Variants in NLRP8 observed in about 807,000 individuals in gnomAD.
The protein encoded by NLRP8 is NLR family pyrin domain containing 8, also known as NACHT, LRR and PYD domains-containing protein 8.
A neutral mutation model predicts 88.7 loss-of-function variants in NLRP8; 86 were observed. The observed-to-expected ratio is 0.97, with a 90% CI of 0.81 to 1.16. The LOEUF (loss-of-function observed/expected upper bound fraction) is 1.16. Among genes scored for constraint, NLRP8 ranks in the 50% most tolerant of loss-of-function variants. NLRP8 has a pLI of 0.00. For synonymous variants in NLRP8, 504 were observed against 494.6 expected (o/e 1.02, Z -0.25); for missense variants, 1,342 against 1,286.5 (o/e 1.04, Z -0.66).
chr19:55,948,658 G>A (rs779774051), intron 1 of NLRP8, among the ~76,000 whole-genome samples: 22 of 151,964 alleles, frequency 1.4e-4, no homozygotes, highest in African/African-American at 2.7e-4. Context: ...GGCTGGTCTC[G>A]AACTACTGAC....
At position 55,948,010 on chromosome 19, in the gene NLRP8, A is replaced by G. The variant is rs1213864079; in HGVS notation, c.108A>G (p.Pro36=). Reference sequence around the variant, plus strand: ...CATTCTCTTGCTACCCCGGCTCCCCATGTGAAAATGGGGTCATGCTGTACA... The same window carrying G: ...CATTCTCTTGCTACCCCGGCTCCCCGTGTGAAAATGGGGTCATGCTGTACA... Residue 36 remains proline (P), a synonymous_variant, in exon 1 of 10, where the codon CCA becomes CCG. Transcript: ENST00000291971. 6.2e-7 allele frequency: 1 copy of G among 1,613,796 alleles called. No homozygotes were observed. The highest frequency in any genetic ancestry group is 2.2e-5 in the East Asian group (1 of 44,840).
intron 6 of NLRP8, among the ~76,000 whole-genome samples, chr19:55,971,630 T>C (rs1980077379): frequency 6.7e-6 from 1 of 149,384 alleles, no homozygotes; most frequent in African/African-American, 2.5e-5. Context: ...TTTGGGCTGT[T>C]TCTAATTGTT....
At position 55,955,099 on chromosome 19, in the gene NLRP8, A is replaced by T; in HGVS notation, c.1041A>T (p.Lys347Asn). 6.2e-7 allele frequency: 1 copy of T among 1,614,142 alleles called. No individual in the cohort carries two copies. The highest frequency in any genetic ancestry group is 8.5e-7 in the Non-Finnish European group (1 of 1,179,994). ...GGCAGACATGCAAGCCCTTGCTGAA[A>T]TGTCCCTCTCTCGTAACCCTTCCGG... Residue 347 changes from lysine (K) to asparagine (N), a missense_variant, in exon 3 of 10, where the codon AAA (lysine) becomes AAT (asparagine). Transcript: ENST00000291971.
intron 3 of NLRP8, among the ~76,000 whole-genome samples, chr19:55,961,549 C>T (rs1979609850): frequency 6.6e-6 from 1 of 152,216 alleles, no homozygotes; most frequent in East Asian, 1.9e-4. Context: ...CACCTGTAAC[C>T]CTAGCACTTT....
chr19:55,986,789 T>G (rs1418799851), intron 9 of NLRP8, among the ~76,000 whole-genome samples: 1 of 151,962 alleles, frequency 6.6e-6, no homozygotes, highest in East Asian at 1.9e-4. Flanking sequence ...GGCCCAGAGC[T>G]GGACCTGCTC....
intron 1 of NLRP8, among the ~76,000 whole-genome samples, chr19:55,949,138 T>C (rs184034740): frequency 1.0e-3 from 159 of 152,362 alleles, no homozygotes; most frequent in African/African-American, 3.7e-3. Context: ...TTACATACCG[T>C]TTATGATAGT....
At position 55,970,668 on chromosome 19, in the gene NLRP8, C is replaced by T. The variant is rs1980036244; in HGVS notation, c.2506C>T (p.Leu836=). ...CCTGGAGAACTGTGGGGCGTATTAC[C>T]TGTCTGTGGCCCAGCTGGAGAGGCT... The change falls in exon 6 of 10, where the codon CTG becomes TTG. Residue 836 remains leucine, a synonymous_variant. Transcript: ENST00000291971. 1 of 1,614,058 alleles carries T rather than the reference C, an allele frequency of 6.2e-7. No individual in the cohort carries two copies. The highest frequency in any genetic ancestry group is 2.2e-5 in the East Asian group (1 of 44,880).
intron 9 of NLRP8, among the ~76,000 whole-genome samples, chr19:55,984,802 A>T (rs535147695): frequency 1.4e-4 from 22 of 151,834 alleles, no homozygotes; most frequent in African/African-American, 5.3e-4. Context: ...GCACCACTGC[A>T]CTCCAGCCTG....
At chr19:55,983,818 CAAAAAAAAAA>C (rs56312019) in intron 9 of NLRP8, among the ~76,000 whole-genome samples, 2 of 84,654 alleles carry the variant, frequency 2.4e-5, no homozygotes, top group South Asian at 5.0e-4. Context: ...CTAGTAGATG[CAAAAAAAAAA>C]AAAAAAAAAA....
At chr19:55,975,734 C>G (rs1351953663) in intron 7 of NLRP8, among the ~76,000 whole-genome samples, 3 of 151,198 alleles carry the variant, frequency 2.0e-5, no homozygotes, top group Admixed American at 6.6e-5. Context: ...TAGGCAAATC[C>G]AGAAAAAGAA....
In NLRP8 at chr19:55,987,931, C is replaced by A; in HGVS notation, c.*18C>A. 1 of 1,574,000 alleles carries A rather than the reference C, an allele frequency of 6.4e-7. No individual in the cohort carries two copies. The highest frequency in any genetic ancestry group is 8.7e-7 in the Non-Finnish European group (1 of 1,143,492). The stretch of plus-strand genomic sequence containing the variant: ...ATCCTTAGGCCGTCCAGTCATCTTT[C>A]TCTGGGGCTTGATTGATCAGTTCCC... On this transcript the variant is annotated 3_prime_UTR_variant, in exon 10 of 10. Transcript: ENST00000291971.
At chr19:55,961,052 A>T (rs990660839) in intron 3 of NLRP8, among the ~76,000 whole-genome samples, 4 of 151,866 alleles carry the variant, frequency 2.6e-5, no homozygotes, top group South Asian at 2.1e-4. Flanking sequence ...ACAGGTGCCC[A>T]CCACCACACC....
intron 9 of NLRP8, among the ~76,000 whole-genome samples, chr19:55,980,285 G>A (rs1345650425): frequency 2.6e-5 from 4 of 152,094 alleles, no homozygotes; most frequent in South Asian, 2.1e-4. Flanking sequence ...TCGCACATAC[G>A]GCACTTAACA....
At chr19:55,985,809 A>G (rs1980781460) in intron 9 of NLRP8, among the ~76,000 whole-genome samples, 1 of 152,162 alleles carries the variant, frequency 6.6e-6, no homozygotes, top group Non-Finnish European at 1.5e-5. Flanking sequence ...TGAGGTCAGG[A>G]GTTCGAGATC....
At position 55,955,343 on chromosome 19, in the gene NLRP8, C is replaced by T. The variant is rs765123250; in HGVS notation, c.1285C>T (p.Arg429Trp). The T allele has an allele frequency of 1.5e-5, 25 of 1,613,982 alleles. No homozygotes were observed. The highest frequency in any genetic ancestry group is 4.5e-5 in the East Asian group (2 of 44,900). The change falls in exon 3 of 10, where the codon CGG (arginine) becomes TGG (tryptophan). Residue 429 changes from arginine (R) to tryptophan (W), a missense_variant. Coordinates refer to ENST00000291971, the MANE Select transcript of NLRP8 (RefSeq NM_176811.2). ...TCCAAATGCCACCTCTGTGTTCGTC[C>T]GGTATATTTCTAGCTTGTTTCCCAC...
In NLRP8 at chr19:55,987,899, C is replaced by A. The variant is rs780260191; in HGVS notation, c.3133C>A (p.Gln1045Lys). The change falls in exon 10 of 10, where the codon CAG (glutamine) becomes AAG (lysine). Residue 1045 changes from glutamine (Q) to lysine (K), a missense_variant. Physicochemically the swap from Gln to Lys is moderately conservative, Grantham distance 53 (BLOSUM62 1). Coordinates refer to ENST00000291971, the MANE Select transcript of NLRP8 (RefSeq NM_176811.2). ...CACGGGAAAAAGTGACTGCCTATCCCAGATTAATCCTTAGGCCGTCCAGTC... is the reference window on the plus strand; with the variant it reads ...CACGGGAAAAAGTGACTGCCTATCCAAGATTAATCCTTAGGCCGTCCAGTC... 4 of 1,612,942 alleles carry A rather than the reference C, an allele frequency of 2.5e-6. No homozygotes were observed. The highest frequency in any genetic ancestry group is 3.4e-6 in the Non-Finnish European group (4 of 1,179,088).
chr19:55,956,101 G>T lies in NLRP8; in HGVS notation c.2042+1G>T. 6.2e-7 allele frequency: 1 copy of T among 1,609,766 alleles called. No homozygotes were observed. The highest frequency in any genetic ancestry group is 8.5e-7 in the Non-Finnish European group (1 of 1,177,378). The stretch of plus-strand genomic sequence containing the variant: ...GCTCCAGCTCCCATCCTGGCTCTGA[G>T]TAAGTGCTTCGGTCCCTCCTTGGGT... On this transcript the variant is annotated splice_donor_variant, in intron 3 of 9. Transcript: ENST00000291971. LOFTEE classifies it high-confidence loss of function.
chr19:55,968,712 C>T (rs1979948764), intron 5 of NLRP8, among the ~76,000 whole-genome samples: 1 of 152,092 alleles, frequency 6.6e-6, no homozygotes, highest in South Asian at 2.1e-4. Context: ...TGCACTCCAG[C>T]CTGGGCAACA....
chr19:55,983,599 C>T (rs992497951), intron 9 of NLRP8, among the ~76,000 whole-genome samples: 18 of 151,400 alleles, frequency 1.2e-4, no homozygotes, highest in Non-Finnish European at 2.6e-4. Flanking sequence ...CCAGAAACTA[C>T]ATGTGAATTA....
Sources: allele counts gnomAD v4.1 joint callset (sites outside exome capture counted in the v4.1 genomes callset), GRCh38; gene constraint gnomAD v4.1.1; transcripts MANE v1.5; gene names NCBI Gene and HGNC (gene_info 2026-07-23, HGNC 2026-07-21).